Variants in NEK10 observed in about 807,000 individuals in gnomAD.
The protein encoded by NEK10 is serine/threonine-protein kinase Nek10.
Under a neutral mutation model 159.8 loss-of-function variants are expected in NEK10, and 122 were observed. That is an observed-to-expected ratio of 0.76 (90% CI 0.66 to 0.89). The LOEUF (loss-of-function observed/expected upper bound fraction) is 0.89, where lower values mean the gene tolerates loss of function less well. NEK10 is among the 40% of genes least tolerant of loss of function. The pLI is 0.00. For missense variants in NEK10, 1,342 were observed against 1,323.1 expected (o/e 1.01, Z -0.22); for synonymous variants, 466 against 457.1 (o/e 1.02, Z -0.25).
chr3:27,150,066 C>T (rs1435835752), intron 30 of NEK10, among the ~76,000 whole-genome samples: 1 of 152,192 alleles, frequency 6.6e-6, no homozygotes, highest in African/African-American at 2.4e-5. Context: ...CAACCCTCTT[C>T]AACTCTATGA....
At chr3:27,131,585 A>G (rs529263950) in intron 32 of NEK10, among the ~76,000 whole-genome samples, 2 of 152,328 alleles carry the variant, frequency 1.3e-5, no homozygotes, top group South Asian at 4.1e-4. Flanking sequence ...ATAAAATATC[A>G]GAATATAATT....
chr3:27,314,459 C>T (rs1438334651), intron 6 of NEK10, 121 bp from the exon 7 acceptor site: 3 of 665,138 alleles, frequency 4.5e-6, no homozygotes, highest in Non-Finnish European at 8.1e-6. Context: ...GGTCTACATT[C>T]TAATATAAAT....
At chr3:27,211,444 T>C (rs1352486023) in intron 23 of NEK10, among the ~76,000 whole-genome samples, 1 of 152,200 alleles carries the variant, frequency 6.6e-6, no homozygotes, top group African/African-American at 2.4e-5. Flanking sequence ...GACAACCAAA[T>C]AGTTGACCCT....
At chr3:27,137,027 T>A (rs1429508388) in intron 31 of NEK10, among the ~76,000 whole-genome samples, 3 of 152,244 alleles carry the variant, frequency 2.0e-5, no homozygotes, top group South Asian at 2.1e-4. Context: ...ATCTTGGTCT[T>A]TAACCTATAG....
intron 23 of NEK10, among the ~76,000 whole-genome samples, chr3:27,233,471 C>A (rs191191230): frequency 1.3e-5 from 2 of 152,084 alleles, no homozygotes; most frequent in East Asian, 3.9e-4. Flanking sequence ...TAAACTAGTA[C>A]AATCACTATG....
chr3:27,212,880 GA>G (rs985960212), intron 23 of NEK10, among the ~76,000 whole-genome samples: 2 of 152,190 alleles, frequency 1.3e-5, no homozygotes, highest in Non-Finnish European at 2.9e-5. Flanking sequence ...GGAGGCAGGA[GA>G]ATAGAGTGTG....
At chr3:27,241,697 C>T (rs1056086780) in intron 23 of NEK10, among the ~76,000 whole-genome samples, 10 of 152,212 alleles carry the variant, frequency 6.6e-5, no homozygotes, top group African/African-American at 2.2e-4. Flanking sequence ...GAATAAACCA[C>T]TTGCACTTCA....
chr3:27,356,751 C>T (rs949631554), intron 1 of NEK10, among the ~76,000 whole-genome samples: 5 of 152,082 alleles, frequency 3.3e-5, no homozygotes, highest in Admixed American at 6.6e-5. Context: ...ACATATTCAC[C>T]CCCACACACT....
intron 6 of NEK10, among the ~76,000 whole-genome samples, chr3:27,316,764 A>C (rs2045218818): frequency 7.2e-6 from 1 of 138,952 alleles, no homozygotes; most frequent in African/African-American, 2.8e-5. Flanking sequence ...GGATGGAATT[A>C]GGCATTCTAC....
intron 33 of NEK10, 138 bp from the exon 34 acceptor site, chr3:27,116,265 A>G: frequency 1.3e-6 from 1 of 742,752 alleles, no homozygotes; most frequent in Non-Finnish European, 2.3e-6. Flanking sequence ...CAAATTCCAA[A>G]GCATCTGCCT....
At chr3:27,236,636 G>A (rs546049890) in intron 23 of NEK10, among the ~76,000 whole-genome samples, 13 of 152,256 alleles carry the variant, frequency 8.5e-5, no homozygotes, top group East Asian at 3.9e-4. Context: ...CACCTGAGCC[G>A]CAAAACCAGC....
chr3:27,130,132 C>T (rs780769385), intron 32 of NEK10, among the ~76,000 whole-genome samples: 1 of 152,212 alleles, frequency 6.6e-6, no homozygotes, highest in African/African-American at 2.4e-5. Context: ...TAGGGCCTTT[C>T]CCTACCTAAA....
At chr3:27,348,685 T>C (rs1457222973) in intron 3 of NEK10, among the ~76,000 whole-genome samples, 8 of 152,222 alleles carry the variant, frequency 5.3e-5, no homozygotes. Context: ...TTCATTCCTT[T>C]CCTGGTGGCA....
intron 22 of NEK10, chr3:27,278,885 T>C: frequency 2.0e-6 from 2 of 984,792 alleles, no homozygotes; most frequent in Non-Finnish European, 2.4e-6. Flanking sequence ...TTAGGGCAAA[T>C]GTTGACTGTG....
chr3:27,214,208 T>C (rs909512201), intron 23 of NEK10, among the ~76,000 whole-genome samples: 2 of 152,224 alleles, frequency 1.3e-5, no homozygotes, highest in African/African-American at 4.8e-5. Flanking sequence ...CTTACGTATG[T>C]TGATTGATGT....
chr3:27,171,987 G>A (rs1947032168), intron 28 of NEK10, 114 bp from the exon 29 acceptor site: 1 of 1,137,832 alleles, frequency 8.8e-7, no homozygotes, highest in Non-Finnish European at 1.2e-6. Flanking sequence ...GCAGAGAAAA[G>A]GGAACTCATA....
chr3:27,253,773 G>A (rs962057913), intron 23 of NEK10, among the ~76,000 whole-genome samples: 1 of 152,048 alleles, frequency 6.6e-6, no homozygotes, highest in African/African-American at 2.4e-5. Context: ...CACATCCCAG[G>A]TCCACATTTA....
chr3:27,310,154 C>T (rs1293906616), intron 9 of NEK10: 2 of 152,066 alleles, frequency 1.3e-5, no homozygotes, highest in Non-Finnish European at 2.9e-5. Context: ...TTTGTCTGAT[C>T]CTTTCCTCTT....
chr3:27,365,392 TA>T (rs1385903844), intron 1 of NEK10, among the ~76,000 whole-genome samples: 1 of 152,172 alleles, frequency 6.6e-6, no homozygotes, highest in Non-Finnish European at 1.5e-5. Flanking sequence ...GTGTCTATCA[TA>T]ACTATTTCTA....
Sources: gnomAD v4.1 joint callset for allele counts (sites outside exome capture counted in the v4.1 genomes callset) on GRCh38, gnomAD v4.1.1 for gene constraint, MANE v1.5 for transcripts, NCBI Gene and HGNC (gene_info 2026-07-23, HGNC 2026-07-21) for gene names.